SLC24A4: variants seen among roughly 807,000 people sequenced by gnomAD.
SLC24A4 encodes the protein sodium/potassium/calcium exchanger 4.
A neutral mutation model predicts 79.0 loss-of-function variants in SLC24A4; 53 were observed. The ratio of observed to expected loss-of-function variants is 0.67; its 90% CI spans 0.54 to 0.84. The LOEUF is 0.84. Ranked by LOEUF, SLC24A4 falls within the 40% of genes least tolerant of loss-of-function variation. The pLI, the probability that SLC24A4 is intolerant of heterozygous loss-of-function variation, is 0.00. For missense variants in SLC24A4, 731 were observed against 822.0 expected (o/e 0.89, Z 1.35); for synonymous variants, 323 against 323.8 (o/e 1.00, Z 0.03).
chr14:92,495,550 T>C lies in SLC24A4; in HGVS notation c.*1922T>C, dbSNP rs1454533670. On this transcript the variant is annotated 3_prime_UTR_variant, in exon 17 of 17. Coordinates refer to ENST00000532405, the MANE Select transcript of SLC24A4 (RefSeq NM_153646.4). ...CCTCGGGACCACTCTGTCACCTTAA[T>C]AGCCAAGTTCTCCTGGTTCCTCCGA... 1 of 152,322 alleles carries C rather than the reference T, an allele frequency of 6.6e-6. No individual in the cohort carries two copies. Among genetic ancestry groups the C allele is most frequent in the South Asian group, 2.1e-4 (1 of 4,826 alleles). 9.4% of individuals were successfully genotyped at this position (152,322 alleles called of 1,614,324 possible). A position where few individuals can be genotyped will look rare whatever the true frequency, so the allele number is the denominator to read the frequency against.
chr14:92,372,635 T>C (rs576819528), intron 2 of SLC24A4, among the ~76,000 whole-genome samples: 1 of 152,248 alleles, frequency 6.6e-6, no homozygotes, highest in South Asian at 2.1e-4. Flanking sequence ...TCCAGGTCCA[T>C]GTTTTCTAGC....
chr14:92,393,306 C>G (rs1889587691), intron 2 of SLC24A4, among the ~76,000 whole-genome samples: 1 of 152,212 alleles, frequency 6.6e-6, no homozygotes, highest in African/African-American at 2.4e-5. Context: ...GACTTTCCTT[C>G]ATTTGTAGAA....
At chr14:92,367,235 C>G (rs541653044) in intron 2 of SLC24A4, among the ~76,000 whole-genome samples, 171 of 152,294 alleles carry the variant, frequency 1.1e-3, no homozygotes, top group African/African-American at 3.7e-3. Flanking sequence ...CTGCGCTGTT[C>G]GAGGCTAGAG....
At chr14:92,468,846 C>T (rs575050131) in intron 12 of SLC24A4, among the ~76,000 whole-genome samples, 57 of 151,766 alleles carry the variant, frequency 3.8e-4, no homozygotes, top group Non-Finnish European at 6.6e-4. Context: ...TGTTAGCCAA[C>T]AGTTTCTAAC....
chr14:92,438,695 C>G (rs996124193), intron 3 of SLC24A4, among the ~76,000 whole-genome samples: 3 of 152,126 alleles, frequency 2.0e-5, no homozygotes. Context: ...CACGCCTTCC[C>G]TAAGCATACG....
chr14:92,417,537 TAA>T (rs35233952), intron 2 of SLC24A4, among the ~76,000 whole-genome samples: 15,971 of 152,216 alleles, frequency 0.1, 899 homozygotes, highest in African/African-American at 0.14. Flanking sequence ...TAGTGTAGCC[TAA>T]GTGTCCAGTA....
intron 2 of SLC24A4, among the ~76,000 whole-genome samples, chr14:92,356,384 A>G (rs1429661589): frequency 2.6e-5 from 4 of 152,220 alleles, no homozygotes; most frequent in Non-Finnish European, 5.9e-5. Context: ...TCCTTGTGAA[A>G]TGTTTTTCTT....
chr14:92,464,412 C>G (rs1245427954), intron 12 of SLC24A4, among the ~76,000 whole-genome samples: 2 of 152,164 alleles, frequency 1.3e-5, no homozygotes, highest in African/African-American at 2.4e-5. Context: ...AGATAAAGAC[C>G]TGCCCGGGAC....
At chr14:92,384,484 A>T (rs890768588) in intron 2 of SLC24A4, among the ~76,000 whole-genome samples, 10 of 147,068 alleles carry the variant, frequency 6.8e-5, no homozygotes, top group African/African-American at 2.0e-4. Flanking sequence ...TGTGCTTGAG[A>T]TGGGGGGTGG....
At chr14:92,362,364 CCT>C (rs1275218456) in intron 2 of SLC24A4, among the ~76,000 whole-genome samples, 1 of 152,150 alleles carries the variant, frequency 6.6e-6, no homozygotes, top group Non-Finnish European at 1.5e-5. Context: ...TGTGCTGCTC[CCT>C]CTCTCACCCC....
chr14:92,408,145 A>G (rs1033800392), intron 2 of SLC24A4, among the ~76,000 whole-genome samples: 9 of 140,036 alleles, frequency 6.4e-5, no homozygotes, highest in Non-Finnish European at 1.2e-4. Flanking sequence ...ATATGGTTAT[A>G]TGTATGCTTG....
rs375813670 is a variant in SLC24A4, at chr14:92,456,393, T to G, written c.1051-11T>G. 1.4e-5 allele frequency: 22 copies of G among 1,612,950 alleles called. No individual in the cohort carries two copies. The African/African-American group carries it at 2.7e-4, about 20-fold the overall frequency. On this transcript the variant is annotated splice_polypyrimidine_tract_variant and intron_variant, in intron 11 of 16. Coordinates refer to ENST00000532405, the MANE Select transcript of SLC24A4 (RefSeq NM_153646.4). ...ATGCCTTGGTGTCCATGTTGCCTCC[T>G]GTCCACACAGCGGCAGAGACTGATC... is the stretch of plus-strand genomic sequence containing the variant.
chr14:92,417,902 A>C (rs571067106), intron 2 of SLC24A4, among the ~76,000 whole-genome samples: 1 of 152,202 alleles, frequency 6.6e-6, no homozygotes, highest in Non-Finnish European at 1.5e-5. Context: ...ATGCTCGTGC[A>C]GCAGTGAAAC....
At chr14:92,391,449 A>G (rs780036007) in intron 2 of SLC24A4, among the ~76,000 whole-genome samples, 2 of 152,172 alleles carry the variant, frequency 1.3e-5, no homozygotes, top group South Asian at 2.1e-4. Flanking sequence ...ATGCATTGCT[A>G]TTGGGAGGTA....
At chr14:92,391,960 C>T (rs1237258689) in intron 2 of SLC24A4, among the ~76,000 whole-genome samples, 1 of 152,198 alleles carries the variant, frequency 6.6e-6, no homozygotes, top group Non-Finnish European at 1.5e-5. Context: ...GTGAGAACCA[C>T]GCTTCCTGAC....
intron 2 of SLC24A4, among the ~76,000 whole-genome samples, chr14:92,425,248 A>T (rs1891503898): frequency 6.6e-6 from 1 of 152,192 alleles, no homozygotes; most frequent in South Asian, 2.1e-4. Context: ...GGAGAAAGTA[A>T]ATTTCCATTG....
chr14:92,456,471 AC>A lies in SLC24A4; in HGVS notation c.1119del (p.Asn373LysfsTer103). 1 of 1,614,222 alleles carries A rather than the reference AC, an allele frequency of 6.2e-7. No individual in the cohort carries two copies. ...CCGCTTCAAAACGGGAGGCACGAGA[AC>A]ATTGAGAACGGGAATGTTCCTGTGG... ...SKPLQNGRHE[N>X]IENGNVPVEN... On this transcript the variant is annotated frameshift_variant, in exon 12 of 17. Transcript: ENST00000532405. LOFTEE classifies it high-confidence loss of function.
At chr14:92,425,012 C>T (rs1277522624) in intron 2 of SLC24A4, among the ~76,000 whole-genome samples, 1 of 152,210 alleles carries the variant, frequency 6.6e-6, no homozygotes, top group African/African-American at 2.4e-5. Flanking sequence ...CCATTAGGCA[C>T]TAGCTCCAAG....
At chr14:92,366,438 C>T (rs368789539) in intron 2 of SLC24A4, among the ~76,000 whole-genome samples, 2 of 152,186 alleles carry the variant, frequency 1.3e-5, no homozygotes, top group African/African-American at 2.4e-5. Flanking sequence ...TTCAGCCAGG[C>T]GGGTTTGCAG....
Sources: gnomAD v4.1 joint callset for allele counts (sites outside exome capture counted in the v4.1 genomes callset) on GRCh38, gnomAD v4.1.1 for gene constraint, MANE v1.5 for transcripts, NCBI Gene and HGNC (gene_info 2026-07-23, HGNC 2026-07-21) for gene names.